The following MICAL2 variants were observed in gnomAD, a reference collection of about 807,000 sequenced individuals.
MICAL2 encodes microtubule associated monooxygenase, calponin and LIM domain containing 2.
In MICAL2, 77 loss-of-function variants were observed where a neutral mutation model predicts 127.3. The ratio of observed to expected loss-of-function variants is 0.60; its 90% CI spans 0.50 to 0.73. The LOEUF is 0.73. Among genes scored for constraint, MICAL2 ranks in the 30% least tolerant of loss-of-function variants. The pLI is 0.00. For missense variants in MICAL2, 1,351 were observed against 1,434.4 expected, an observed-to-expected ratio of 0.94 and a Z score of 0.94; for synonymous variants, 570 against 551.1, an observed-to-expected ratio of 1.03 and a Z score of -0.48.
chr11:12,256,686 G>T (rs1227263229), intron 23 of MICAL2, 99 bp from the exon 24 acceptor site: 3 of 1,166,824 alleles, frequency 2.6e-6, no homozygotes, highest in African/African-American at 3.1e-5. Flanking sequence ...AGCCCACGAG[G>T]TCCCCAGCAT....
downstream of MICAL2, among the ~76,000 whole-genome samples, chr11:12,360,378 T>G (rs913556893): frequency 3.3e-5 from 5 of 152,138 alleles, no homozygotes; most frequent in Non-Finnish European, 5.9e-5. Flanking sequence ...AACCCAGATG[T>G]TTGGGGCAGT....
intron 2 of MICAL2, chr11:12,287,025 T>C (rs1255053949): frequency 2.5e-6 from 1 of 398,740 alleles, no homozygotes; most frequent in Non-Finnish European, 4.4e-6. Context: ...TCCTACTTAC[T>C]CTACACATTT....
chr11:12,220,393 G>A lies in MICAL2; in HGVS notation c.1141G>A (p.Ala381Thr). The A allele has an allele frequency of 6.2e-7, 1 of 1,614,012 alleles. No homozygotes were observed. Among genetic ancestry groups the A allele is most frequent in the South Asian group, 1.1e-5 (1 of 91,084 alleles). ...CTGCATGTATGCCTCAGAGAACGCG[G>A]CCCTGGTGCGGGAGCGGCAGGCGCA... The part of the protein sequence containing the change: ...FTCMYASENA[A>T]LVRERQAHQL... The change falls in exon 9 of 28, where the codon GCC becomes ACC. Residue 381 changes from alanine to threonine, a missense_variant. This residue lies in a region of MICAL2 where 599 missense variants were observed against 714.9 expected (regional missense o/e 0.84). Transcript: ENST00000683283.
intron 27 of MICAL2, chr11:12,262,805 G>A (rs950985327): frequency 1.8e-5 from 7 of 398,436 alleles, no homozygotes; most frequent in South Asian, 4.4e-5. Flanking sequence ...GTCTGCCTGC[G>A]TGCATGCTTC....
intron 10 of MICAL2, 51 bp downstream of exon 10, chr11:12,221,810 G>GA: frequency 4.7e-6 from 7 of 1,479,786 alleles, no homozygotes; most frequent in Non-Finnish European, 6.6e-6. Context: ...ACTCAGGCAG[G>GA]AAAGGGGGCA....
intron 34 of MICAL2, among the ~76,000 whole-genome samples, chr11:12,356,354 T>C (rs889864967): frequency 6.6e-6 from 1 of 152,168 alleles, no homozygotes; most frequent in Non-Finnish European, 1.5e-5. Flanking sequence ...GTGTAGGAGA[T>C]GCTCGGTCTC....
intron 3 of MICAL2, among the ~76,000 whole-genome samples, chr11:12,188,714 T>C (rs548632186): frequency 6.6e-6 from 1 of 152,282 alleles, no homozygotes; most frequent in East Asian, 1.9e-4. Context: ...CCTGTGACCC[T>C]GGGCAGGTTA....
chr11:12,120,844 G>A (rs1321154954), intron 1 of MICAL2, among the ~76,000 whole-genome samples: 3 of 152,202 alleles, frequency 2.0e-5, no homozygotes, highest in African/African-American at 7.2e-5. Context: ...GTCAGAGAGG[G>A]ATAGTCAGAG....
intron 2 of MICAL2, among the ~76,000 whole-genome samples, chr11:12,285,315 C>A (rs1276599675): frequency 6.6e-6 from 1 of 152,120 alleles, no homozygotes; most frequent in East Asian, 1.9e-4. Flanking sequence ...CCTCAAGATG[C>A]AATTTGGGAA....
chr11:12,153,012 T>C (rs565774865), intron 2 of MICAL2, among the ~76,000 whole-genome samples: 127 of 151,974 alleles, frequency 8.4e-4, no homozygotes, highest in Non-Finnish European at 1.4e-3. Flanking sequence ...TAACATACAA[T>C]TTATCATTTT....
intron 2 of MICAL2, among the ~76,000 whole-genome samples, chr11:12,157,934 C>T (rs1274874834): frequency 2.0e-5 from 3 of 151,986 alleles, no homozygotes; most frequent in South Asian, 2.1e-4. Context: ...GAAACTAAAA[C>T]CCAAAAAATA....
rs747719412 is a variant in MICAL2 at position 12,227,122 on chromosome 11, G to A, written c.1986G>A (p.Arg662=). 2 of 1,612,322 alleles carry A rather than the reference G, an allele frequency of 1.2e-6. No individual in the cohort carries two copies. The highest frequency in any genetic ancestry group is 1.7e-6 in the Non-Finnish European group (2 of 1,178,612). Residue 662 remains arginine (R), a synonymous_variant, in exon 15 of 28, where the codon AGG becomes AGA. Coordinates refer to ENST00000683283, the MANE Select transcript of MICAL2 (RefSeq NM_001282663.2). ...NYLNLTFPRK[R]TPRVDGQTGE... The stretch of plus-strand genomic sequence containing the variant: ...TCAACCTCACATTTCCAAGGAAGAG[G>A]ACTCCACGGGTAAGTTTTGGCCTGG...
At chr11:12,210,876 T>C (rs1489685883) in intron 6 of MICAL2, among the ~76,000 whole-genome samples, 4 of 152,114 alleles carry the variant, frequency 2.6e-5, no homozygotes, top group Non-Finnish European at 5.9e-5. Context: ...CATTGTAGGG[T>C]GTTCAGCAGC....
chr11:12,305,256 A>G (rs1358058506), intron 29 of MICAL2, among the ~76,000 whole-genome samples: 1 of 152,178 alleles, frequency 6.6e-6, no homozygotes, highest in Admixed American at 6.5e-5. Flanking sequence ...CGCATCTTAC[A>G]TGGTGGCGGG....
chr11:12,342,724 C>A (rs554115300), intron 32 of MICAL2, among the ~76,000 whole-genome samples: 1 of 152,240 alleles, frequency 6.6e-6, no homozygotes, highest in Non-Finnish European at 1.5e-5. Context: ...TAGGTACTAT[C>A]ATCACCATCC....
chr11:12,204,463 T>G lies in MICAL2; in HGVS notation c.472+6T>G. The G allele has an allele frequency of 1.2e-6, 2 of 1,613,554 alleles. No homozygotes were observed. The highest frequency in any genetic ancestry group is 1.7e-6 in the Non-Finnish European group (2 of 1,179,510). ...TGGCTCCATCGACCATATCAGTGAGTGGAGTCTATGGTGATATCCCATGAA... is the reference window on the plus strand; with the variant it reads ...TGGCTCCATCGACCATATCAGTGAGGGGAGTCTATGGTGATATCCCATGAA... On this transcript the variant is annotated splice_donor_region_variant and intron_variant, in intron 4 of 27. Transcript: ENST00000683283.
intron 29 of MICAL2, among the ~76,000 whole-genome samples, chr11:12,307,126 A>T (rs2134815934): frequency 6.6e-6 from 1 of 152,320 alleles, no homozygotes; most frequent in South Asian, 2.1e-4. Context: ...GTCAGACTCA[A>T]ATTCTAGCCA....
downstream of MICAL2, among the ~76,000 whole-genome samples, chr11:12,297,128 A>G (rs1863994784): frequency 6.6e-6 from 1 of 152,186 alleles, no homozygotes; most frequent in Admixed American, 6.5e-5. Flanking sequence ...GATATTGTCA[A>G]CTTGTCCTTC....
intron 29 of MICAL2, among the ~76,000 whole-genome samples, chr11:12,304,016 C>G (rs1176994075): frequency 6.6e-6 from 1 of 151,770 alleles, no homozygotes; most frequent in Non-Finnish European, 1.5e-5. Flanking sequence ...GGCAAGAGAC[C>G]AATACTGGTC....
Sources: allele counts gnomAD v4.1 joint callset (sites outside exome capture counted in the v4.1 genomes callset), GRCh38; gene constraint gnomAD v4.1.1; regional missense constraint gnomAD v4.1.1; transcripts MANE v1.5; gene names NCBI Gene and HGNC (gene_info 2026-07-23, HGNC 2026-07-21).